Variants in CSMD1 observed in about 807,000 individuals in gnomAD.
CSMD1 encodes the protein CUB and Sushi multiple domains 1.
CSMD1 carries 213 observed loss-of-function variants against 417.5 expected under a neutral mutation model. The ratio of observed to expected loss-of-function variants is 0.51; its 90% CI spans 0.46 to 0.57. The LOEUF (loss-of-function observed/expected upper bound fraction) is 0.57, where lower values mean the gene tolerates loss of function less well. Among genes scored for constraint, CSMD1 ranks in the 20% least tolerant of loss-of-function variants. CSMD1 has a pLI of 0.00. For synonymous variants in CSMD1, 2,862 were observed against 1,736.8 expected (o/e 1.65, Z -16.11); for missense variants, 6,923 against 4,529.7 (o/e 1.53, Z -15.17).
intron 2 of CSMD1, among the ~76,000 whole-genome samples, chr8:4,455,455 G>A (rs559984349): frequency 2.0e-5 from 3 of 152,194 alleles, no homozygotes; most frequent in South Asian, 4.1e-4. Context: ...CAAGCACACA[G>A]CCACCTTGCT....
intron 3 of CSMD1, among the ~76,000 whole-genome samples, chr8:4,176,974 A>C (rs1584963053): frequency 6.6e-6 from 1 of 151,930 alleles, no homozygotes; most frequent in East Asian, 1.9e-4. Context: ...CCCACACAAT[A>C]AAAATGGGAG....
chr8:3,002,473 G>C (rs1399996394), intron 52 of CSMD1, among the ~76,000 whole-genome samples: 1 of 152,126 alleles, frequency 6.6e-6, no homozygotes, highest in African/African-American at 2.4e-5. Context: ...AAACACACAA[G>C]AAAATGACAC....
intron 3 of CSMD1, among the ~76,000 whole-genome samples, chr8:4,186,899 G>C (rs527498383): frequency 2.6e-5 from 4 of 151,982 alleles, no homozygotes; most frequent in African/African-American, 9.7e-5. Flanking sequence ...GGGAGGCTGA[G>C]GCAGGAGAAT....
rs1803414982 is a variant in CSMD1, at chr8:4,644,773, G to A, written c.86-7215C>T. On this transcript the variant is annotated intron_variant, in intron 1 of 69. Transcript: ENST00000635120. ...TGAAATATCCTATTTACTTGCTTAC[G>A]CATTGATGATCTCTTTCTACACTAA... Among the ~76,000 whole-genome samples the A allele has an allele frequency of 2.0e-5, 3 of 152,286 alleles. No homozygotes were observed. In the South Asian group the frequency reaches 6.2e-4, roughly 32 times the overall value.
intron 2 of CSMD1, among the ~76,000 whole-genome samples, chr8:4,528,823 A>T (rs964094999): frequency 6.6e-6 from 1 of 151,982 alleles, no homozygotes; most frequent in African/African-American, 2.4e-5. Flanking sequence ...CACACACACC[A>T]TGAAAACTTC....
chr8:3,146,077 T>C (rs1053989615), intron 40 of CSMD1, among the ~76,000 whole-genome samples: 16 of 152,350 alleles, frequency 1.1e-4, no homozygotes, highest in Non-Finnish European at 4.4e-5. Context: ...TGGAATTTAT[T>C]GAACATTCTA....
chr8:3,032,636 G>T (rs13268558), intron 50 of CSMD1, among the ~76,000 whole-genome samples: 1 of 151,744 alleles, frequency 6.6e-6, no homozygotes, highest in Non-Finnish European at 1.5e-5. Flanking sequence ...ATGCCTGTAC[G>T]TGGTTTCTAG....
intron 30 of CSMD1, 41 bp downstream of exon 30, chr8:3,214,456 G>C: frequency 5.5e-6 from 8 of 1,457,794 alleles, no homozygotes; most frequent in South Asian, 1.4e-5. Flanking sequence ...GCATTTTAAA[G>C]GAAAGTTGTA....
At chr8:3,767,855 A>G (rs189225468) in intron 5 of CSMD1, among the ~76,000 whole-genome samples, 1 of 152,296 alleles carries the variant, frequency 6.6e-6, no homozygotes, top group Admixed American at 6.5e-5. Context: ...GGGTCAGATA[A>G]ATAAATACGT....
chr8:4,144,819 CA>C lies in CSMD1; in HGVS notation c.416-112721del, dbSNP rs1276260026. Among the ~76,000 whole-genome samples the C allele has an allele frequency of 8.6e-5, 13 of 150,950 alleles. 3 individuals are homozygous for C. The highest frequency in any genetic ancestry group is 3.2e-4 in the African/African-American group (13 of 40,320). On this transcript the variant is annotated intron_variant, in intron 3 of 69. Transcript: ENST00000635120. The stretch of plus-strand genomic sequence containing the variant: ...TAAGAGTTGCATCACCAAAAAGCAA[CA>C]TTCGCAATCATTCACAATGCAGGGA...
intron 2 of CSMD1, among the ~76,000 whole-genome samples, chr8:4,423,042 A>G (rs764189765): frequency 6.6e-6 from 1 of 152,046 alleles, no homozygotes; most frequent in African/African-American, 2.4e-5. Context: ...TTGACAAAGA[A>G]TATCTCTACA....
At chr8:3,494,789 C>G (rs1037439069) in intron 10 of CSMD1, among the ~76,000 whole-genome samples, 1 of 152,092 alleles carries the variant, frequency 6.6e-6, no homozygotes, top group African/African-American at 2.4e-5. Flanking sequence ...AACCATAATA[C>G]TGGAAGTACA....
chr8:4,143,202 C>T (rs1487420537), intron 3 of CSMD1, among the ~76,000 whole-genome samples: 1 of 151,170 alleles, frequency 6.6e-6, no homozygotes, highest in Non-Finnish European at 1.5e-5. Flanking sequence ...GAATGTTTCC[C>T]TGTCCACAGA....
chr8:3,693,594 C>T (rs2624066), intron 7 of CSMD1, among the ~76,000 whole-genome samples: 1 of 151,918 alleles, frequency 6.6e-6, no homozygotes, highest in African/African-American at 2.4e-5. Flanking sequence ...ACTAAAATCC[C>T]CACCCTTATT....
chr8:3,175,898 C>T (rs75802979), intron 37 of CSMD1, among the ~76,000 whole-genome samples: 2,786 of 152,180 alleles, frequency 0.018, 89 homozygotes, highest in African/African-American at 0.064. Flanking sequence ...AAATAAAAAC[C>T]TTACATAGAA....
At chr8:4,255,041 G>C (rs1442038116) in intron 3 of CSMD1, among the ~76,000 whole-genome samples, 1 of 152,200 alleles carries the variant, frequency 6.6e-6, no homozygotes, top group African/African-American at 2.4e-5. Flanking sequence ...CCATAGAGGA[G>C]TTGATCAAGC....
chr8:3,335,853 C>G (rs188604011), intron 23 of CSMD1, among the ~76,000 whole-genome samples: 2 of 152,196 alleles, frequency 1.3e-5, no homozygotes, highest in African/African-American at 4.8e-5. Flanking sequence ...AGACTGGGCT[C>G]AGAGAGGTGA....
intron 12 of CSMD1, among the ~76,000 whole-genome samples, chr8:3,428,768 G>T (rs767379278): frequency 2.6e-5 from 4 of 152,158 alleles, no homozygotes; most frequent in Non-Finnish European, 5.9e-5. Flanking sequence ...GTTCACTGCA[G>T]AATCATTCAC....
At chr8:4,566,193 A>G (rs925841189) in intron 2 of CSMD1, among the ~76,000 whole-genome samples, 5 of 152,182 alleles carry the variant, frequency 3.3e-5, no homozygotes, top group African/African-American at 1.2e-4. Flanking sequence ...CATCTACAAT[A>G]GACCATGCTA....
Sources: allele counts gnomAD v4.1 joint callset (sites outside exome capture counted in the v4.1 genomes callset), GRCh38; gene constraint gnomAD v4.1.1; transcripts MANE v1.5; gene names NCBI Gene and HGNC (gene_info 2026-07-23, HGNC 2026-07-21).